Variants in PLSCR5 observed in about 807,000 individuals in gnomAD.
The protein encoded by PLSCR5 is phospholipid scramblase family member 5.
Under a neutral mutation model 33.6 loss-of-function variants are expected in PLSCR5, and 44 were observed. That is an observed-to-expected ratio of 1.31 (90% CI 1.03 to 1.69). The LOEUF (loss-of-function observed/expected upper bound fraction) is 1.69, where lower values mean the gene tolerates loss of function less well. PLSCR5 is among the 40% of genes most tolerant of loss of function. PLSCR5 has a pLI of 0.00. For missense variants in PLSCR5, 375 were observed against 318.7 expected, an observed-to-expected ratio of 1.18 and a Z score of -1.34; for synonymous variants, 148 against 112.3, an observed-to-expected ratio of 1.32 and a Z score of -2.01.
At chr3:146,597,534 A>G (rs574268124) in intron 2 of PLSCR5, among the ~76,000 whole-genome samples, 1 of 152,290 alleles carries the variant, frequency 6.6e-6, no homozygotes, top group Admixed American at 6.5e-5. Context: ...CATCCTCTGT[A>G]ATAACATTTG....
intron 4 of PLSCR5, among the ~76,000 whole-genome samples, chr3:146,593,133 C>T (rs2044729291): frequency 6.6e-6 from 1 of 152,106 alleles, no homozygotes; most frequent in Admixed American, 6.6e-5. Context: ...TAAATTAGGA[C>T]ACCTGGCTCA....
rs2044855019 is a variant in PLSCR5, at chr3:146,605,255, A to C, written c.-43T>G. ...TTCTTCAAAGGTTGCCAGGTTGGAAAACAAAGGCTTTTCTTGTTGCAGCAA... is the reference window on the plus strand; with the variant it reads ...TTCTTCAAAGGTTGCCAGGTTGGAACACAAAGGCTTTTCTTGTTGCAGCAA... On this transcript the variant is annotated 5_prime_UTR_variant, in exon 1 of 8. Transcript: ENST00000443512. The C allele has an allele frequency of 6.2e-7, 1 of 1,611,054 alleles. No homozygotes were observed. Among genetic ancestry groups the C allele is most frequent in the East Asian group, 2.2e-5 (1 of 44,828 alleles).
chr3:146,587,821 A>G (rs924458384), intron 6 of PLSCR5, among the ~76,000 whole-genome samples: 1 of 152,022 alleles, frequency 6.6e-6, no homozygotes, highest in Non-Finnish European at 1.5e-5. Flanking sequence ...ATTCCTCTGA[A>G]ATCCTGGAGA....
intron 4 of PLSCR5, among the ~76,000 whole-genome samples, chr3:146,592,107 CTA>C (rs1371299375): frequency 3.9e-5 from 6 of 151,976 alleles, no homozygotes; most frequent in East Asian, 3.8e-4. Flanking sequence ...CACTAAAAGT[CTA>C]TGTCTTATTT....
At position 146,594,101 on chromosome 3, in the gene PLSCR5, T is replaced by TC. The variant is rs1560108541; in HGVS notation, c.271_272insG (p.Lys91ArgfsTer36). On this transcript the variant is annotated frameshift_variant, in exon 4 of 8. Transcript: ENST00000443512. LOFTEE classifies it high-confidence loss of function. ...GTAAATTCTTTGTCCCAAGCTGTTT[T>TC]TAATCTCATATTTGTTGGAGGTCTC... The TC allele has an allele frequency of 6.2e-7, 1 of 1,613,798 alleles. No individual in the cohort carries two copies. Among genetic ancestry groups the TC allele is most frequent in the East Asian group, 2.2e-5 (1 of 44,872 alleles).
downstream of PLSCR5, among the ~76,000 whole-genome samples, chr3:146,585,069 CT>C (rs1259041424): frequency 6.6e-6 from 1 of 151,982 alleles, no homozygotes; most frequent in Non-Finnish European, 1.5e-5. Flanking sequence ...ACAAATTTTC[CT>C]TTTGTGTAGG....
chr3:146,584,745 A>C (rs1262436868), downstream of PLSCR5, among the ~76,000 whole-genome samples: 1 of 152,174 alleles, frequency 6.6e-6, no homozygotes, highest in East Asian at 1.9e-4. Flanking sequence ...CTTACTCCAG[A>C]GCCTAGAACT....
chr3:146,576,851 T>A (rs1043712276), intron 7 of PLSCR5: 2 of 152,000 alleles, frequency 1.3e-5, no homozygotes, highest in Admixed American at 6.6e-5. Flanking sequence ...AAAGTCTATA[T>A]AAGTAAGCCA....
At chr3:146,596,407 T>C (rs2044761563) in intron 2 of PLSCR5, among the ~76,000 whole-genome samples, 1 of 152,140 alleles carries the variant, frequency 6.6e-6, no homozygotes, top group African/African-American at 2.4e-5. Flanking sequence ...GCCATGCTGG[T>C]CTCAAATTCC....
chr3:146,581,011 A>G (rs1357680445), downstream of PLSCR5, among the ~76,000 whole-genome samples: 2 of 152,204 alleles, frequency 1.3e-5, no homozygotes, highest in Non-Finnish European at 2.9e-5. Context: ...TAATCAATCA[A>G]TGATTGATTA....
chr3:146,594,271 A>G, intron 3 of PLSCR5, 131 bp from the exon 4 acceptor site: 1 of 672,470 alleles, frequency 1.5e-6, no homozygotes, highest in East Asian at 2.8e-5. Flanking sequence ...TTCTTCACAC[A>G]AATTTATTTC....
chr3:146,600,222 C>A, intron 2 of PLSCR5, 66 bp downstream of exon 2: 1 of 1,188,720 alleles, frequency 8.4e-7, no homozygotes, highest in Non-Finnish European at 1.1e-6. Context: ...ATTGAAAAGC[C>A]AGAAAGAAAG....
intron 7 of PLSCR5, among the ~76,000 whole-genome samples, chr3:146,580,794 C>A (rs1237031659): frequency 1.3e-5 from 2 of 152,126 alleles, no homozygotes; most frequent in Non-Finnish European, 2.9e-5. Flanking sequence ...CTGGTACACT[C>A]TTTTCCTAAA....
intron 6 of PLSCR5, among the ~76,000 whole-genome samples, chr3:146,587,461 A>T (rs2044675199): frequency 6.6e-6 from 1 of 152,176 alleles, no homozygotes; most frequent in Admixed American, 6.5e-5. Context: ...CAGATTAAAA[A>T]GGATCTATTT....
At chr3:146,585,305 T>A (rs1002173098), downstream of PLSCR5, among the ~76,000 whole-genome samples, 20 of 152,226 alleles carry the variant, frequency 1.3e-4, no homozygotes, top group African/African-American at 4.8e-4. Context: ...TCACTGCAAA[T>A]AGATAAAATT....
chr3:146,594,755 G>A (rs1284640228), intron 3 of PLSCR5, among the ~76,000 whole-genome samples: 3 of 151,932 alleles, frequency 2.0e-5, no homozygotes, highest in Non-Finnish European at 4.4e-5. Context: ...TAGCATCCAC[G>A]GAAATGATCA....
Position 146,589,829 on chromosome 3 carries a change from T to C in PLSCR5, c.616-15A>G, listed in dbSNP as rs2044698605. On this transcript the variant is annotated splice_polypyrimidine_tract_variant and intron_variant, in intron 5 of 7. Transcript: ENST00000443512. ...ATGGTTTTCACCTTTAGAAAGAAAA[T>C]AAGGAGTATTAAATTTGACAGTGAA... The C allele has an allele frequency of 2.0e-6, 3 of 1,479,862 alleles. No individual in the cohort carries two copies. Among genetic ancestry groups the C allele is most frequent in the African/African-American group, 2.8e-5 (2 of 71,188 alleles). 91.7% of individuals were successfully genotyped at this position (1,479,862 alleles called of 1,614,324 possible). A position where few individuals can be genotyped will look rare whatever the true frequency, so the allele number is the denominator to read the frequency against.
At chr3:146,579,609 T>A (rs2044620164) in intron 7 of PLSCR5, among the ~76,000 whole-genome samples, 1 of 152,226 alleles carries the variant, frequency 6.6e-6, no homozygotes, top group South Asian at 2.1e-4. Flanking sequence ...GCTTCCTTCC[T>A]TCCAGATATT....
At chr3:146,582,540 CAG>C (rs1169946517), downstream of PLSCR5, among the ~76,000 whole-genome samples, 2 of 152,138 alleles carry the variant, frequency 1.3e-5, no homozygotes, top group Admixed American at 6.5e-5. Flanking sequence ...TTCTCTGTGG[CAG>C]AGAGCTTTCT....
Sources: allele counts gnomAD v4.1 joint callset (sites outside exome capture counted in the v4.1 genomes callset), GRCh38; gene constraint gnomAD v4.1.1; transcripts MANE v1.5; gene names NCBI Gene and HGNC (gene_info 2026-07-23, HGNC 2026-07-21).